Variants in MAGI1 observed in about 807,000 individuals in gnomAD.
MAGI1 encodes the protein membrane-associated guanylate kinase, WW and PDZ domain-containing protein 1.
MAGI1 carries 58 observed loss-of-function variants against 139.9 expected under a neutral mutation model. The ratio of observed to expected loss-of-function variants is 0.41; its 90% CI spans 0.34 to 0.52. The LOEUF (loss-of-function observed/expected upper bound fraction) is 0.52, where lower values mean the gene tolerates loss of function less well. MAGI1 is among the 20% of genes least tolerant of loss of function. The pLI, the probability that MAGI1 is intolerant of heterozygous loss-of-function variation, is 0.12. For synonymous variants in MAGI1, 812 were observed against 737.9 expected, an observed-to-expected ratio of 1.10 and a Z score of -1.63; for missense variants, 1,874 against 1,901.6, an observed-to-expected ratio of 0.99 and a Z score of 0.27.
Position 65,679,039 on chromosome 3 carries a change from A to G in MAGI1, c.314-56951T>C, listed in dbSNP as rs965983123. ...CCACTTATTCAGGTTTTCCTCCTCA[A>G]TCATGTTGTTTAATTTCTCGTCAGC... On this transcript the variant is annotated intron_variant, in intron 1 of 22. Coordinates refer to ENST00000402939, the MANE Select transcript of MAGI1 (RefSeq NM_001033057.2). Among the ~76,000 whole-genome samples, 10 of 152,154 alleles carry G rather than the reference A, an allele frequency of 6.6e-5. No homozygotes were observed. The South Asian group carries it at 2.1e-3, about 32-fold the overall frequency.
chr3:65,550,914 G>T (rs1040648956), intron 2 of MAGI1, among the ~76,000 whole-genome samples: 4 of 152,146 alleles, frequency 2.6e-5, no homozygotes, highest in African/African-American at 9.7e-5. Flanking sequence ...GAGGCTGCAT[G>T]AGCTGTGACT....
At chr3:65,577,414 A>G (rs113060003) in intron 2 of MAGI1, among the ~76,000 whole-genome samples, 1 of 152,162 alleles carries the variant, frequency 6.6e-6, no homozygotes, top group African/African-American at 2.4e-5. Context: ...TGAAAAATCA[A>G]ACACGGCTCC....
At chr3:65,992,008 T>C (rs1456745294) in intron 1 of MAGI1, among the ~76,000 whole-genome samples, 1 of 149,134 alleles carries the variant, frequency 6.7e-6, no homozygotes, top group Non-Finnish European at 1.5e-5. Flanking sequence ...AGAGCAGAAC[T>C]CCATCTCAAA....
chr3:65,981,993 G>A (rs2065607316), intron 1 of MAGI1, among the ~76,000 whole-genome samples: 1 of 152,116 alleles, frequency 6.6e-6, no homozygotes, highest in Non-Finnish European at 1.5e-5. Context: ...ATTTGTATCA[G>A]GTCTCGTAAG....
chr3:65,942,378 C>T (rs1486569997), intron 1 of MAGI1, among the ~76,000 whole-genome samples: 2 of 152,254 alleles, frequency 1.3e-5, no homozygotes, highest in East Asian at 3.9e-4. Flanking sequence ...TATCTGTGCT[C>T]TGGAGAACTA....
intron 1 of MAGI1, among the ~76,000 whole-genome samples, chr3:65,685,103 A>G (rs1455675974): frequency 2.0e-5 from 3 of 151,786 alleles, no homozygotes; most frequent in Admixed American, 6.6e-5. Context: ...AACCAAACTA[A>G]GTGTAGAAGG....
intron 1 of MAGI1, among the ~76,000 whole-genome samples, chr3:65,852,830 G>C (rs909578194): frequency 6.6e-6 from 1 of 152,000 alleles, no homozygotes; most frequent in East Asian, 1.9e-4. Context: ...AATCGGCAAA[G>C]TATCAGAAAA....
intron 1 of MAGI1, chr3:65,717,623 C>G (rs1248711895): frequency 6.6e-6 from 1 of 152,184 alleles, no homozygotes; most frequent in Non-Finnish European, 1.5e-5. Flanking sequence ...TGATATAACA[C>G]TGAGGACAAC....
intron 1 of MAGI1, among the ~76,000 whole-genome samples, chr3:65,735,195 A>G (rs2034609660): frequency 6.6e-6 from 1 of 151,322 alleles, no homozygotes; most frequent in Non-Finnish European, 1.5e-5. Flanking sequence ...TTTCTTGAAA[A>G]TGAATGAATA....
At chr3:65,885,742 G>T (rs543486478) in intron 1 of MAGI1, among the ~76,000 whole-genome samples, 16 of 152,224 alleles carry the variant, frequency 1.1e-4, no homozygotes, top group African/African-American at 3.9e-4. Flanking sequence ...ATGATTATGA[G>T]GCCTCCCCAC....
chr3:65,698,755 C>G (rs1197797352), intron 1 of MAGI1, among the ~76,000 whole-genome samples: 3 of 148,198 alleles, frequency 2.0e-5, no homozygotes, highest in African/African-American at 7.5e-5. Flanking sequence ...AAACGTTAGA[C>G]CTAAAACCAT....
intron 1 of MAGI1, among the ~76,000 whole-genome samples, chr3:65,676,940 A>G (rs2087231841): frequency 6.6e-6 from 1 of 152,198 alleles, no homozygotes; most frequent in Non-Finnish European, 1.5e-5. Context: ...ATTCAAAGGG[A>G]TTTTACCAGA....
At chr3:65,741,421 G>A (rs1040910845) in intron 1 of MAGI1, among the ~76,000 whole-genome samples, 7 of 152,118 alleles carry the variant, frequency 4.6e-5, no homozygotes, top group Admixed American at 6.5e-5. Flanking sequence ...TGATCCGCCC[G>A]CCTCGGCCTC....
At chr3:65,942,207 T>C (rs1416218964) in intron 1 of MAGI1, among the ~76,000 whole-genome samples, 1 of 150,532 alleles carries the variant, frequency 6.6e-6, no homozygotes, top group Admixed American at 6.6e-5. Context: ...GCTAATATAA[T>C]ACCATTTGCA....
intron 13 of MAGI1, among the ~76,000 whole-genome samples, chr3:65,397,581 G>C (rs967879536): frequency 4.6e-5 from 7 of 150,964 alleles, no homozygotes; most frequent in South Asian, 2.1e-4. Context: ...AGTGAATATG[G>C]TACACTTTCT....
chr3:65,424,860 G>C (rs1946892715), intron 12 of MAGI1, among the ~76,000 whole-genome samples: 1 of 152,030 alleles, frequency 6.6e-6, no homozygotes. Flanking sequence ...TTGTATATCA[G>C]AATCACCAGT....
chr3:65,448,158 CA>C lies in MAGI1; in HGVS notation c.1043-102del, dbSNP rs1279831674. 4 of 1,025,722 alleles carry C rather than the reference CA, an allele frequency of 3.9e-6. No homozygotes were observed. In the African/African-American group the frequency reaches 6.3e-5, roughly 16 times the overall value. 63.5% of individuals were successfully genotyped at this position (1,025,722 alleles called of 1,614,324 possible). On this transcript the variant is annotated intron_variant, in intron 6 of 22. Transcript: ENST00000402939. ...ATCTCCTCAGGAAAACAGCAGCAAA[CA>C]CATCACTCTAGTTCATCCTTACCTG... is the stretch of plus-strand genomic sequence containing the variant.
chr3:65,814,995 A>G (rs191149938), intron 1 of MAGI1, among the ~76,000 whole-genome samples: 1 of 152,310 alleles, frequency 6.6e-6, no homozygotes, highest in Admixed American at 6.5e-5. Flanking sequence ...GATTTGGGAA[A>G]GCTGCAAGAT....
chr3:65,545,649 G>C (rs1015668160), intron 2 of MAGI1, among the ~76,000 whole-genome samples: 5 of 152,026 alleles, frequency 3.3e-5, no homozygotes, highest in Admixed American at 3.3e-4. Context: ...TCCTAAGAAG[G>C]ACCAAGCTTG....
Sources: allele counts gnomAD v4.1 joint callset (sites outside exome capture counted in the v4.1 genomes callset), GRCh38; gene constraint gnomAD v4.1.1; transcripts MANE v1.5; gene names NCBI Gene and HGNC (gene_info 2026-07-23, HGNC 2026-07-21).